PKNOX2: variants seen among roughly 807,000 people sequenced by gnomAD.
PKNOX2 encodes homeobox protein PKNOX2.
In PKNOX2, 14 loss-of-function variants were observed where a neutral mutation model predicts 53.1. The observed-to-expected ratio is 0.26, with a 90% CI of 0.17 to 0.41. The LOEUF (loss-of-function observed/expected upper bound fraction) is 0.41, where lower values mean the gene tolerates loss of function less well. Ranked by LOEUF, PKNOX2 falls within the 10% of genes least tolerant of loss-of-function variation. The probability of loss-of-function intolerance (pLI) is 1.00; values close to 1 mark genes in which losing one functional copy is unlikely to be tolerated. For synonymous variants in PKNOX2, 257 were observed against 242.8 expected, an observed-to-expected ratio of 1.06 and a Z score of -0.54; for missense variants, 496 against 602.8, an observed-to-expected ratio of 0.82 and a Z score of 1.85.
At chr11:125,273,761 G>T (rs904401769) in intron 2 of PKNOX2, among the ~76,000 whole-genome samples, 4 of 152,100 alleles carry the variant, frequency 2.6e-5, no homozygotes, top group African/African-American at 7.2e-5. Context: ...CCACGTCAGG[G>T]GGATCCTTTT....
rs200372496 is a variant in PKNOX2 at position 125,309,201 on chromosome 11, T to TTC, written c.-129-22618_-129-22617insTC. On this transcript the variant is annotated intron_variant, in intron 2 of 12. Transcript: ENST00000298282. ...CTCTCTTTCTTCCTTCCTTCCTCTC[T>TTC]CTTCCTTCCTTTCTCTCTCTCTTTC... Among the ~76,000 whole-genome samples the TTC allele has an allele frequency of 9.0e-4, 125 of 139,410 alleles. 1 individual carries two copies. Among genetic ancestry groups the TTC allele is most frequent in the African/African-American group, 3.9e-3 (120 of 30,770 alleles). The allele number at this position is 139,410 out of a possible 152,430, so 91.5% of individuals were successfully genotyped here.
intron 1 of PKNOX2, among the ~76,000 whole-genome samples, chr11:125,189,769 A>C (rs1229328615): frequency 1.3e-5 from 2 of 150,738 alleles, no homozygotes; most frequent in African/African-American, 4.9e-5. Flanking sequence ...TCAACTCCAA[A>C]ATTTTTTCGG....
chr11:125,349,000 A>G (rs1164215396), intron 3 of PKNOX2, among the ~76,000 whole-genome samples: 6 of 152,056 alleles, frequency 3.9e-5, no homozygotes, highest in Admixed American at 3.9e-4. Context: ...GCGGACGAGC[A>G]TCTGTGATCG....
At chr11:125,425,266 G>A (rs370446951) in intron 10 of PKNOX2, among the ~76,000 whole-genome samples, 5 of 152,238 alleles carry the variant, frequency 3.3e-5, no homozygotes, top group African/African-American at 9.6e-5. Flanking sequence ...GGGTGGGTCA[G>A]GACTTGATCC....
chr11:125,390,297 T>C (rs1451506916), intron 6 of PKNOX2, among the ~76,000 whole-genome samples: 1 of 152,246 alleles, frequency 6.6e-6, no homozygotes, highest in Non-Finnish European at 1.5e-5. Flanking sequence ...GCAGTCACCA[T>C]CATGCAGCTG....
At chr11:125,402,827 A>C (rs1954832240) in intron 7 of PKNOX2, among the ~76,000 whole-genome samples, 1 of 152,308 alleles carries the variant, frequency 6.6e-6, no homozygotes, top group African/African-American at 2.4e-5. Context: ...CAAGTCCCAG[A>C]CCCAGCCCTC....
At chr11:125,265,891 C>A (rs1353136243) in intron 2 of PKNOX2, among the ~76,000 whole-genome samples, 1 of 152,146 alleles carries the variant, frequency 6.6e-6, no homozygotes, top group African/African-American at 2.4e-5. Context: ...GTAGTCACAC[C>A]TCACATTCCG....
chr11:125,423,773 T>C (rs1471210190), intron 10 of PKNOX2, among the ~76,000 whole-genome samples: 2 of 152,126 alleles, frequency 1.3e-5, no homozygotes, highest in Non-Finnish European at 2.9e-5. Flanking sequence ...AGGGCTTCAC[T>C]TATCAGGGAT....
At position 125,178,674 on chromosome 11, in the gene PKNOX2, GAA is replaced by G. The variant is rs1330551035; in HGVS notation, c.-201+13900_-201+13901del. On this transcript the variant is annotated intron_variant, in intron 1 of 12. Coordinates refer to ENST00000298282, the MANE Select transcript of PKNOX2 (RefSeq NM_001382323.2). The stretch of plus-strand genomic sequence containing the variant: ...GGAAGGAAGGAAGGAAGGAAGGAAA[GAA>G]AGAGAGAGAGAGAGAGAGAGAGAAA... 4.8e-3 allele frequency among the ~76,000 whole-genome samples: 537 copies of G among 112,126 alleles called. 38 individuals carry two copies. Among genetic ancestry groups the G allele is most frequent in the African/African-American group, 0.027 (509 of 18,724 alleles). The allele number at this position is 112,126 out of a possible 152,430, so 73.6% of individuals were successfully genotyped here.
chr11:125,339,450 A>T (rs759385061), intron 3 of PKNOX2, among the ~76,000 whole-genome samples: 3 of 152,194 alleles, frequency 2.0e-5, no homozygotes, highest in African/African-American at 4.8e-5. Context: ...CTTTCCCAAG[A>T]TACAGCCAGC....
At chr11:125,419,970 G>C (rs965812329) in intron 10 of PKNOX2, among the ~76,000 whole-genome samples, 17 of 151,472 alleles carry the variant, frequency 1.1e-4, no homozygotes, top group African/African-American at 4.1e-4. Flanking sequence ...TGGATAGCCT[G>C]AGTCTAAGAA....
At chr11:125,193,727 C>G (rs1426550855) in intron 1 of PKNOX2, among the ~76,000 whole-genome samples, 1 of 152,186 alleles carries the variant, frequency 6.6e-6, no homozygotes, top group Non-Finnish European at 1.5e-5. Context: ...TCATGTGAAC[C>G]AAGACCCAGT....
Position 125,254,847 on chromosome 11 carries a change from G to T in PKNOX2, c.-130+19732G>T, listed in dbSNP as rs150619359. Among the ~76,000 whole-genome samples, 517 of 152,330 alleles carry T rather than the reference G, an allele frequency of 3.4e-3. 2 individuals are homozygous for T. Among genetic ancestry groups the T allele is most frequent in the African/African-American group, 0.012 (481 of 41,572 alleles). On this transcript the variant is annotated intron_variant, in intron 2 of 12. Transcript: ENST00000298282. ...AGGTCCCAAGGGGCTCTTGGAAACA[G>T]CAGATGGGGATGGCAAGTGGCCTGC...
chr11:125,394,194 G>T (rs540675349), intron 6 of PKNOX2, among the ~76,000 whole-genome samples: 1 of 152,316 alleles, frequency 6.6e-6, no homozygotes, highest in Admixed American at 6.5e-5. Flanking sequence ...TCATTACACT[G>T]AGAGACATAG....
chr11:125,261,662 A>C (rs915290101), intron 2 of PKNOX2, among the ~76,000 whole-genome samples: 1 of 152,182 alleles, frequency 6.6e-6, no homozygotes, highest in Non-Finnish European at 1.5e-5. Context: ...TACTCTCAGC[A>C]GGGCATCTCA....
chr11:125,357,012 A>G (rs1951654515), intron 4 of PKNOX2, among the ~76,000 whole-genome samples: 1 of 152,248 alleles, frequency 6.6e-6, no homozygotes, highest in African/African-American at 2.4e-5. Context: ...CTTTGCAGCA[A>G]TAGAGTTAAT....
rs939841257 is a variant in PKNOX2 at position 125,370,431 on chromosome 11, G to C, written c.227+2446G>C. ...CTTGAAGAATGGCCTAGACCTTTCT[G>C]CAATTAACACTTCTTCCTACTCCCC... is the stretch of plus-strand genomic sequence containing the variant. On this transcript the variant is annotated intron_variant, in intron 5 of 12. Coordinates refer to ENST00000298282, the MANE Select transcript of PKNOX2 (RefSeq NM_001382323.2). The surrounding 1 kb of genome is among the most constrained non-coding windows in gnomAD (Gnocchi z 4.1). 2.0e-5 allele frequency among the ~76,000 whole-genome samples: 3 copies of C among 152,192 alleles called. No individual in the cohort carries two copies. The highest frequency in any genetic ancestry group is 6.5e-5 in the Admixed American group (1 of 15,286).
chr11:125,404,424 A>G (rs1278605844), intron 7 of PKNOX2, among the ~76,000 whole-genome samples: 1 of 152,216 alleles, frequency 6.6e-6, no homozygotes, highest in South Asian at 2.1e-4. Context: ...ACAGGAGTGG[A>G]ACAAGAACAG....
At chr11:125,324,116 T>A (rs1436690785) in intron 2 of PKNOX2, among the ~76,000 whole-genome samples, 1 of 152,060 alleles carries the variant, frequency 6.6e-6, no homozygotes, top group African/African-American at 2.4e-5. Flanking sequence ...GAAGAAGAAT[T>A]CTTCTTGTTT....
Sources: allele counts gnomAD v4.1 joint callset (sites outside exome capture counted in the v4.1 genomes callset), GRCh38; gene constraint gnomAD v4.1.1; non-coding constraint Gnocchi (gnomAD v3.1); transcripts MANE v1.5; gene names NCBI Gene and HGNC (gene_info 2026-07-23, HGNC 2026-07-21).